Variants in BMP7 observed in about 807,000 individuals in gnomAD.
BMP7 encodes bone morphogenetic protein 7.
BMP7 carries 12 observed loss-of-function variants against 41.2 expected under a neutral mutation model. The ratio of observed to expected loss-of-function variants is 0.29; its 90% CI spans 0.19 to 0.47. The LOEUF (loss-of-function observed/expected upper bound fraction) is 0.47, where lower values mean the gene tolerates loss of function less well. BMP7 is among the 20% of genes least tolerant of loss of function. BMP7 has a pLI of 0.99. For missense variants in BMP7, 467 were observed against 606.0 expected, an observed-to-expected ratio of 0.77 and a Z score of 2.41; for synonymous variants, 248 against 250.0, an observed-to-expected ratio of 0.99 and a Z score of 0.07.
intron 1 of BMP7, among the ~76,000 whole-genome samples, chr20:57,251,858 C>T (rs930009263): frequency 7.2e-5 from 11 of 152,162 alleles, no homozygotes; most frequent in African/African-American, 2.2e-4. Context: ...TGCTTGAACC[C>T]GGGAGGCAGA....
intron 4 of BMP7, among the ~76,000 whole-genome samples, chr20:57,180,792 C>T (rs1984062877): frequency 6.6e-6 from 1 of 152,188 alleles, no homozygotes; most frequent in African/African-American, 2.4e-5. Flanking sequence ...CACAGACCCA[C>T]TGAGGTCCAT....
At chr20:57,247,680 C>T (rs1215819977) in intron 1 of BMP7, among the ~76,000 whole-genome samples, 3 of 152,182 alleles carry the variant, frequency 2.0e-5, no homozygotes, top group African/African-American at 7.2e-5. Context: ...CCAGGGCAGG[C>T]AGGCGTTTCT....
At chr20:57,248,228 C>T (rs148626896) in intron 1 of BMP7, among the ~76,000 whole-genome samples, 348 of 152,306 alleles carry the variant, frequency 2.3e-3, no homozygotes, top group Admixed American at 4.1e-3. Context: ...GTAAATCTAA[C>T]TGTATACAAC....
intron 2 of BMP7, among the ~76,000 whole-genome samples, chr20:57,204,594 C>T (rs1433453764): frequency 2.0e-5 from 3 of 152,210 alleles, no homozygotes; most frequent in African/African-American, 4.8e-5. Context: ...AGGAACGAAT[C>T]GGAGCTGCTT....
At chr20:57,245,800 A>G (rs1343659697) in intron 1 of BMP7, among the ~76,000 whole-genome samples, 4 of 151,552 alleles carry the variant, frequency 2.6e-5, no homozygotes, top group Admixed American at 1.3e-4. Flanking sequence ...CACCACGCCC[A>G]GCTGATTTTT....
At chr20:57,204,723 A>T (rs1984693783) in intron 2 of BMP7, among the ~76,000 whole-genome samples, 1 of 152,248 alleles carries the variant, frequency 6.6e-6, no homozygotes, top group Admixed American at 6.5e-5. Flanking sequence ...TGGACGCATC[A>T]CCAGGACCAC....
intron 1 of BMP7, among the ~76,000 whole-genome samples, chr20:57,239,346 C>T (rs1475756241): frequency 6.6e-6 from 1 of 152,248 alleles, no homozygotes; most frequent in Non-Finnish European, 1.5e-5. Flanking sequence ...CCAGGTCTCA[C>T]ATCCAGGCCA....
chr20:57,218,742 C>T lies in BMP7; in HGVS notation c.611+9487G>A, dbSNP rs1985102911. 8.3e-5 allele frequency among the ~76,000 whole-genome samples: 12 copies of T among 144,062 alleles called. No individual in the cohort carries two copies. The Admixed American group carries it at 8.4e-4, about 10-fold the overall frequency. The allele number at this position is 144,062 out of a possible 152,430, so 94.5% of individuals were successfully genotyped here. A position where few individuals can be genotyped will look rare whatever the true frequency, so the allele number is the denominator to read the frequency against. On this transcript the variant is annotated intron_variant, in intron 2 of 6. Transcript: ENST00000395863. ...GTAGCTGGTGTTTGTTCGGTGGTAG[C>T]TGGCATTTGTTCGGTGGTAGCTGGT... is the stretch of plus-strand genomic sequence containing the variant.
At chr20:57,254,690 C>T (rs183946399) in intron 1 of BMP7, among the ~76,000 whole-genome samples, 13 of 151,676 alleles carry the variant, frequency 8.6e-5, no homozygotes, top group African/African-American at 3.1e-4. Flanking sequence ...GAAGTCCCTG[C>T]GCTGGGGCGA....
chr20:57,251,537 C>A (rs565153019), intron 1 of BMP7, among the ~76,000 whole-genome samples: 105 of 152,240 alleles, frequency 6.9e-4, no homozygotes, highest in South Asian at 8.3e-4. Flanking sequence ...ATCCTTTAAC[C>A]TACAGCTTTC....
At chr20:57,219,008 T>A (rs995722406) in intron 2 of BMP7, among the ~76,000 whole-genome samples, 5 of 151,050 alleles carry the variant, frequency 3.3e-5, no homozygotes, top group African/African-American at 9.7e-5. Context: ...GTTTGTTTGG[T>A]GGTAGCTGGT....
intron 1 of BMP7, among the ~76,000 whole-genome samples, chr20:57,230,763 G>A (rs1384749820): frequency 6.7e-6 from 1 of 150,186 alleles, no homozygotes; most frequent in Non-Finnish European, 1.5e-5. Flanking sequence ...TACAAGCTCC[G>A]CCTCCCAGGC....
chr20:57,252,658 G>C (rs769479276), intron 1 of BMP7, among the ~76,000 whole-genome samples: 3 of 152,220 alleles, frequency 2.0e-5, no homozygotes, highest in Non-Finnish European at 4.4e-5. Flanking sequence ...TTCAAAGCCA[G>C]GTAGAGCTGT....
intron 2 of BMP7, among the ~76,000 whole-genome samples, chr20:57,208,166 C>T (rs1400882391): frequency 1.3e-5 from 2 of 152,202 alleles, no homozygotes; most frequent in Non-Finnish European, 2.9e-5. Flanking sequence ...TGCAAATTAT[C>T]AACAGATAAT....
intron 2 of BMP7, among the ~76,000 whole-genome samples, chr20:57,207,872 G>T (rs1238650592): frequency 7.1e-6 from 1 of 141,794 alleles, no homozygotes; most frequent in African/African-American, 2.7e-5. Context: ...GCCCAGGCTG[G>T]ACTGCGGACT....
At chr20:57,172,824 C>A (rs922174625) in intron 6 of BMP7, among the ~76,000 whole-genome samples, 5 of 152,144 alleles carry the variant, frequency 3.3e-5, no homozygotes, top group Non-Finnish European at 2.9e-5. Context: ...GATCACTGTG[C>A]CCCTCACTGA....
chr20:57,206,400 G>A (rs1600622846), intron 2 of BMP7, among the ~76,000 whole-genome samples: 1 of 152,156 alleles, frequency 6.6e-6, no homozygotes, highest in East Asian at 1.9e-4. Context: ...GTGAAATGAA[G>A]CCAGTTGTCT....
At position 57,233,447 on chromosome 20, in the gene BMP7, GA is replaced by G. The variant is rs1386919443; in HGVS notation, c.419-5027del. ...CAGTGTCTTCCTTTTACAAAAACCC[GA>G]AATAGCCCCAAAACCAGCCCTAAGA... is the stretch of plus-strand genomic sequence containing the variant. On this transcript the variant is annotated intron_variant, in intron 1 of 6. Transcript: ENST00000395863. Among the ~76,000 whole-genome samples, 4 of 152,182 alleles carry G rather than the reference GA, an allele frequency of 2.6e-5. No homozygotes were observed. In the East Asian group the frequency reaches 7.7e-4, roughly 29 times the overall value.
chr20:57,246,385 T>C (rs2066090782), intron 1 of BMP7, among the ~76,000 whole-genome samples: 1 of 152,206 alleles, frequency 6.6e-6, no homozygotes, highest in Admixed American at 6.5e-5. Flanking sequence ...ATACAGGGCA[T>C]TAGGCCTGAC....
Sources: gnomAD v4.1 joint callset for allele counts (sites outside exome capture counted in the v4.1 genomes callset) on GRCh38, gnomAD v4.1.1 for gene constraint, MANE v1.5 for transcripts, NCBI Gene and HGNC (gene_info 2026-07-23, HGNC 2026-07-21) for gene names.